The following STARD4 variants were observed in gnomAD, a reference collection of about 807,000 sequenced individuals.
STARD4 encodes StAR related lipid transfer domain containing 4.
Under a neutral mutation model 24.9 loss-of-function variants are expected in STARD4, and 33 were observed. The ratio of observed to expected loss-of-function variants is 1.32; its 90% CI spans 1.00 to 1.77. The LOEUF (loss-of-function observed/expected upper bound fraction) is 1.77, where lower values mean the gene tolerates loss of function less well. Among genes scored for constraint, STARD4 ranks in the 40% most tolerant of loss-of-function variants. The pLI, the probability that STARD4 is intolerant of heterozygous loss-of-function variation, is 0.00. For missense variants in STARD4, 238 were observed against 249.3 expected, an observed-to-expected ratio of 0.95 and a Z score of 0.31; for synonymous variants, 88 against 77.4, an observed-to-expected ratio of 1.14 and a Z score of -0.72.
At chr5:111,500,187 T>C in intron 5 of STARD4, 81 bp from the exon 6 acceptor site, 2 of 1,409,666 alleles carry the variant, frequency 1.4e-6, no homozygotes, top group Non-Finnish European at 1.9e-6. Flanking sequence ...ACCAGAATTC[T>C]TATTTAAATA....
Position 111,506,354 on chromosome 5 carries a change from G to T in STARD4, c.131C>A (p.Pro44His), listed in dbSNP as rs1055803258. 6.7e-7 allele frequency: 1 copy of T among 1,503,746 alleles called. No homozygotes were observed. Among genetic ancestry groups the T allele is most frequent in the Non-Finnish European group, 9.1e-7 (1 of 1,093,502 alleles). 93.2% of individuals were successfully genotyped at this position (1,503,746 alleles called of 1,614,324 possible). A position where few individuals can be genotyped will look rare whatever the true frequency, so the allele number is the denominator to read the frequency against. ...KTKDVTVWRK[P>H]SEEFNGYLYK... ...CAGATATCCATTAAATTCTTCTGAG[G>T]GTTTTCTCCAAACAGTTACATCTTT... Residue 44 changes from proline to histidine, a missense_variant, in exon 3 of 6, where the codon CCC becomes CAC. Transcript: ENST00000296632.
chr5:111,501,121 A>C lies in STARD4; in HGVS notation c.283-5T>G. ...GTAACGCATCACACAGCAATTCTGA[A>C]AAAGAAGAGATAAGACAAGTGTTAC... On this transcript the variant is annotated splice_polypyrimidine_tract_variant and splice_region_variant and intron_variant, in intron 4 of 5. Transcript: ENST00000296632. The C allele has an allele frequency of 3.2e-6, 5 of 1,586,972 alleles. No individual in the cohort carries two copies. Among genetic ancestry groups the C allele is most frequent in the Non-Finnish European group, 4.3e-6 (5 of 1,171,534 alleles).
chr5:111,502,630 C>G (rs1049878352), intron 3 of STARD4, among the ~76,000 whole-genome samples: 1 of 146,274 alleles, frequency 6.8e-6, no homozygotes, highest in Non-Finnish European at 1.5e-5. Flanking sequence ...CCAGTCTGTA[C>G]TAAAAATACA....
At position 111,507,239 on chromosome 5, in the gene STARD4, G is replaced by C. The variant is rs535341186; in HGVS notation, c.105+90C>G. 2.9e-6 allele frequency: 3 copies of C among 1,044,546 alleles called. No individual in the cohort carries two copies. Among genetic ancestry groups the C allele is most frequent in the African/African-American group, 3.2e-5 (2 of 62,250 alleles). The allele number at this position is 1,044,546 out of a possible 1,614,324, so 64.7% of individuals were successfully genotyped here. On this transcript the variant is annotated intron_variant, in intron 2 of 5. Coordinates refer to ENST00000296632, the MANE Select transcript of STARD4 (RefSeq NM_139164.3). This position sits in a 1 kb window ranked among gnomAD's most constrained non-coding sequence, Gnocchi z 4.4. ...CATATCCATCCAAAGTATGGTCTTT[G>C]TCCATATTGTTCCATTTAATTTTAA... is the stretch of plus-strand genomic sequence containing the variant.
At chr5:111,511,544 C>T (rs1341673343) in intron 1 of STARD4, among the ~76,000 whole-genome samples, 2 of 152,162 alleles carry the variant, frequency 1.3e-5, no homozygotes, top group Non-Finnish European at 2.9e-5. Flanking sequence ...AGAATAGTAG[C>T]TTAATGTCTA....
Position 111,499,881 on chromosome 5 carries a change from G to C in STARD4, c.*5C>G. On this transcript the variant is annotated 3_prime_UTR_variant, in exon 6 of 6. Coordinates refer to ENST00000296632, the MANE Select transcript of STARD4 (RefSeq NM_139164.3). ...AGTACTACAAGTTTGAATGTATTTT[G>C]CCTCTCATAAAGCTTTTCGTAAATC... The C allele has an allele frequency of 2.5e-6, 4 of 1,612,080 alleles. 1 individual carries two copies. In the South Asian group the frequency reaches 4.4e-5, roughly 18 times the overall value.
At chr5:111,508,873 A>G (rs1407444508) in intron 1 of STARD4, among the ~76,000 whole-genome samples, 1 of 152,184 alleles carries the variant, frequency 6.6e-6, no homozygotes, top group African/African-American at 2.4e-5. Flanking sequence ...GTTGTAGCCA[A>G]TATTTAAATA....
intron 1 of STARD4, among the ~76,000 whole-genome samples, chr5:111,508,827 C>T (rs1358158809): frequency 6.6e-6 from 1 of 152,082 alleles, no homozygotes; most frequent in Non-Finnish European, 1.5e-5. Context: ...TCAGAACTAA[C>T]TGATCTAAAA....
intron 3 of STARD4, 88 bp from the exon 4 acceptor site, chr5:111,502,176 GA>G (rs1053829765): frequency 3.1e-5 from 45 of 1,474,938 alleles, no homozygotes; most frequent in African/African-American, 1.3e-4. Context: ...TGAAAGTAAG[GA>G]AAAAAATTAG....
Position 111,502,940 on chromosome 5 carries a change from C to T in STARD4, c.156-852G>A, listed in dbSNP as rs1019067684. 2.0e-5 allele frequency among the ~76,000 whole-genome samples: 3 copies of T among 151,990 alleles called. No individual in the cohort carries two copies. The South Asian group carries it at 6.2e-4, about 31-fold the overall frequency. On this transcript the variant is annotated intron_variant, in intron 3 of 5. Coordinates refer to ENST00000296632, the MANE Select transcript of STARD4 (RefSeq NM_139164.3). ...TCTAATAAGAGAACTGAGGGCTATA[C>T]TACGTGTCATAATGAAGATAATAAA...
In STARD4 at chr5:111,505,761, G is replaced by T. The variant is rs116820728; in HGVS notation, c.155+569C>A. ...CTGAGTAAATGTAGAATATTAGAAG[G>T]GTCATGTATACAATGCTAAGAAATT... On this transcript the variant is annotated intron_variant, in intron 3 of 5. Transcript: ENST00000296632. 5.1e-3 allele frequency among the ~76,000 whole-genome samples: 781 copies of T among 152,012 alleles called. 8 individuals are homozygous for T. The highest frequency in any genetic ancestry group is 0.018 in the African/African-American group (744 of 41,450).
chr5:111,505,760 G>C (rs1024392944), intron 3 of STARD4, among the ~76,000 whole-genome samples: 6 of 152,070 alleles, frequency 3.9e-5, no homozygotes, highest in African/African-American at 1.4e-4. Flanking sequence ...AATATTAGAA[G>C]GGTCATGTAT....
At chr5:111,500,382 T>C (rs1756346922) in intron 5 of STARD4, 4 of 1,129,326 alleles carry the variant, frequency 3.5e-6, no homozygotes, top group Non-Finnish European at 4.3e-6. Context: ...ATCTTGGTTG[T>C]AGTATCCAGG....
chr5:111,500,103 A>AT lies in STARD4; in HGVS notation c.400dup (p.Ile134AsnfsTer4). ...TCTCTTTTCATCCCAGTCAAGACTT[A>AT]TTCCTATAAGGCAATTTTTAAAATA... On this transcript the variant is annotated frameshift_variant, in exon 6 of 6. Coordinates refer to ENST00000296632, the MANE Select transcript of STARD4 (RefSeq NM_139164.3). LOFTEE classifies it high-confidence loss of function. 6.2e-7 allele frequency: 1 copy of AT among 1,600,404 alleles called. No individual in the cohort carries two copies. The highest frequency in any genetic ancestry group is 8.5e-7 in the Non-Finnish European group (1 of 1,170,298).
chr5:111,510,465 C>T (rs1757176999), intron 1 of STARD4, among the ~76,000 whole-genome samples: 2 of 152,052 alleles, frequency 1.3e-5, no homozygotes. Context: ...TCTTTTATTC[C>T]CTTATCTTGA....
chr5:111,510,586 C>T (rs1757188910), intron 1 of STARD4, among the ~76,000 whole-genome samples: 1 of 152,216 alleles, frequency 6.6e-6, no homozygotes, highest in Non-Finnish European at 1.5e-5. Flanking sequence ...ATACTCTTGT[C>T]AGTCCCATGG....
At chr5:111,509,060 GTCTC>G (rs1048537705) in intron 1 of STARD4, among the ~76,000 whole-genome samples, 1 of 151,996 alleles carries the variant, frequency 6.6e-6, no homozygotes, top group Non-Finnish European at 1.5e-5. Flanking sequence ...CATTCAAAAA[GTCTC>G]TCAGTCAAGA....
intron 3 of STARD4, chr5:111,504,898 A>G (rs1299464649): frequency 2.4e-6 from 1 of 419,956 alleles, no homozygotes; most frequent in Non-Finnish European, 4.7e-6. Context: ...AACGTTGGTT[A>G]TCATTGCCAC....
chr5:111,507,457 A>C lies in STARD4; in HGVS notation c.-9-15T>G. On this transcript the variant is annotated splice_polypyrimidine_tract_variant and intron_variant, in intron 1 of 5. Coordinates refer to ENST00000296632, the MANE Select transcript of STARD4 (RefSeq NM_139164.3). This position sits in a 1 kb window ranked among gnomAD's most constrained non-coding sequence, Gnocchi z 4.4. ...ATTACTTCTCTCTGTTATGGAGACC[A>C]AGATTAGCATCAGCAAATACCACAG... 6.3e-7 allele frequency: 1 copy of C among 1,598,726 alleles called. No homozygotes were observed. Among genetic ancestry groups the C allele is most frequent in the African/African-American group, 1.3e-5 (1 of 74,498 alleles).
Sources: allele counts gnomAD v4.1 joint callset (sites outside exome capture counted in the v4.1 genomes callset), GRCh38; gene constraint gnomAD v4.1.1; non-coding constraint Gnocchi (gnomAD v3.1); transcripts MANE v1.5; gene names NCBI Gene and HGNC (gene_info 2026-07-23, HGNC 2026-07-21).